The following MCF2L2 variants were observed in gnomAD, a reference collection of about 807,000 sequenced individuals.
MCF2L2 encodes probable guanine nucleotide exchange factor MCF2L2.
Under a neutral mutation model 150.2 loss-of-function variants are expected in MCF2L2, and 102 were observed. The ratio of observed to expected loss-of-function variants is 0.68; its 90% CI spans 0.58 to 0.80. The LOEUF (loss-of-function observed/expected upper bound fraction) is 0.80. Ranked by LOEUF, MCF2L2 falls within the 30% of genes least tolerant of loss-of-function variation. The probability of loss-of-function intolerance (pLI) is 0.00; values close to 1 mark genes in which losing one functional copy is unlikely to be tolerated. For synonymous variants in MCF2L2, 465 were observed against 491.3 expected, an observed-to-expected ratio of 0.95 and a Z score of 0.71; for missense variants, 1,256 against 1,372.8, an observed-to-expected ratio of 0.91 and a Z score of 1.34.
At chr3:183,353,623 C>T (rs1402130883) in intron 3 of MCF2L2, among the ~76,000 whole-genome samples, 1 of 152,038 alleles carries the variant, frequency 6.6e-6, no homozygotes, top group Non-Finnish European at 1.5e-5. Context: ...AGGTGCCACA[C>T]AATTTTAAAC....
intron 15 of MCF2L2, among the ~76,000 whole-genome samples, chr3:183,238,262 T>TA (rs973926112): frequency 8.8e-5 from 13 of 147,820 alleles, no homozygotes; most frequent in African/African-American, 3.1e-4. Flanking sequence ...TTTTTTTTTT[T>TA]AGCTCACCAG....
At chr3:183,211,800 A>G (rs1238704943) in intron 22 of MCF2L2, among the ~76,000 whole-genome samples, 6 of 152,160 alleles carry the variant, frequency 3.9e-5, no homozygotes, top group African/African-American at 1.4e-4. Flanking sequence ...AGGGGACAGG[A>G]AACAAAATAC....
At chr3:183,255,479 A>T (rs935846308) in intron 15 of MCF2L2, among the ~76,000 whole-genome samples, 5 of 152,150 alleles carry the variant, frequency 3.3e-5, no homozygotes, top group African/African-American at 9.7e-5. Flanking sequence ...CCTCCCGCAC[A>T]CGCTCTGAGC....
At chr3:183,391,035 T>A (rs966447174) in intron 1 of MCF2L2, among the ~76,000 whole-genome samples, 5 of 152,216 alleles carry the variant, frequency 3.3e-5, no homozygotes, top group African/African-American at 1.2e-4. Flanking sequence ...AATTTCCTAC[T>A]GATTCATTAT....
chr3:183,399,595 G>A (rs1332746575), intron 1 of MCF2L2, among the ~76,000 whole-genome samples: 2 of 152,156 alleles, frequency 1.3e-5, no homozygotes, highest in Non-Finnish European at 2.9e-5. Flanking sequence ...CCAGCCCATC[G>A]AAGGGAAGCG....
At chr3:183,341,737 C>G (rs1035952636) in intron 3 of MCF2L2, 107 bp from the exon 4 acceptor site, 17 of 740,274 alleles carry the variant, frequency 2.3e-5, no homozygotes, top group Middle Eastern at 2.3e-4. Context: ...CCAGGCTCAC[C>G]GTGTAAACAC....
chr3:183,240,339 C>T lies in MCF2L2; in HGVS notation c.1863-9322G>A, dbSNP rs115271698. ...CCACCTCTCAGGTTCAAATGGTTCT[C>T]GTGCCTCAGCCTCCCCAGTAGCTGG... On this transcript the variant is annotated intron_variant, in intron 15 of 29. Coordinates refer to ENST00000328913, the MANE Select transcript of MCF2L2 (RefSeq NM_015078.4). Among the ~76,000 whole-genome samples, 1,090 of 152,296 alleles carry T rather than the reference C, an allele frequency of 7.2e-3. 12 individuals carry two copies. The highest frequency in any genetic ancestry group is 0.025 in the African/African-American group (1,020 of 41,552).
At chr3:183,314,431 T>C (rs1293834959) in intron 7 of MCF2L2, among the ~76,000 whole-genome samples, 1 of 152,204 alleles carries the variant, frequency 6.6e-6, no homozygotes, top group Non-Finnish European at 1.5e-5. Context: ...TACTGGAAGA[T>C]TATTTTGAAC....
chr3:183,337,419 T>G (rs1730527684), intron 5 of MCF2L2, among the ~76,000 whole-genome samples: 1 of 151,912 alleles, frequency 6.6e-6, no homozygotes, highest in Non-Finnish European at 1.5e-5. Flanking sequence ...TAGCTGGGCG[T>G]GGTGGCAGGC....
Position 183,379,212 on chromosome 3 carries a change from GTA to G in MCF2L2, c.275+83_275+84del. 3 of 930,648 alleles carry G rather than the reference GTA, an allele frequency of 3.2e-6. No homozygotes were observed. In the South Asian group the frequency reaches 5.2e-5, roughly 16 times the overall value. 57.6% of individuals were successfully genotyped at this position (930,648 alleles called of 1,614,324 possible). ...ACCAGGGTACACCATGCTCATGGAA[GTA>G]TATGTCTCAACCCAGCCCTGCCACA... is the stretch of plus-strand genomic sequence containing the variant. On this transcript the variant is annotated intron_variant, in intron 3 of 29. Transcript: ENST00000328913.
At chr3:183,273,345 TA>T (rs1004753056) in intron 15 of MCF2L2, 9 of 235,884 alleles carry the variant, frequency 3.8e-5, no homozygotes, top group East Asian at 9.1e-5. Context: ...TTAGTGAGTT[TA>T]AAAAAAATCT....
chr3:183,360,725 T>C (rs1577090767), intron 3 of MCF2L2, among the ~76,000 whole-genome samples: 1 of 152,030 alleles, frequency 6.6e-6, no homozygotes, highest in East Asian at 1.9e-4. Flanking sequence ...ATCCCAGCAC[T>C]TTGGGAGGCT....
chr3:183,422,404 G>T (rs73186923), intron 1 of MCF2L2, among the ~76,000 whole-genome samples: 12,910 of 152,258 alleles, frequency 0.085, 574 homozygotes, highest in African/African-American at 0.095. Context: ...GCAGTAGACT[G>T]GTCTTGGCTT....
At chr3:183,202,659 G>C (rs1453297943) in intron 25 of MCF2L2, among the ~76,000 whole-genome samples, 1 of 152,204 alleles carries the variant, frequency 6.6e-6, no homozygotes, top group Non-Finnish European at 1.5e-5. Context: ...TTAGTATTTA[G>C]ATCACTAAGC....
chr3:183,355,364 AAC>A (rs1459214790), intron 3 of MCF2L2, among the ~76,000 whole-genome samples: 65 of 152,060 alleles, frequency 4.3e-4, no homozygotes, highest in African/African-American at 1.5e-3. Flanking sequence ...AGGCAACTCC[AAC>A]ACAGTCTTAC....
At chr3:183,256,835 A>ACCATGTTCTTTCCTGT (rs149507280) in intron 15 of MCF2L2, among the ~76,000 whole-genome samples, 27,191 of 152,106 alleles carry the variant, frequency 0.18, 6,080 homozygotes, top group African/African-American at 0.53. Flanking sequence ...GCTTGTGGGA[A>ACCATGTTCTTTCCTGT]CAAGAATAAC....
chr3:183,357,682 T>C (rs1711870348), intron 3 of MCF2L2, among the ~76,000 whole-genome samples: 1 of 152,100 alleles, frequency 6.6e-6, no homozygotes, highest in Non-Finnish European at 1.5e-5. Context: ...CTGACTCCCC[T>C]ATGCAAGCAC....
chr3:183,223,233 G>A (rs761807494), intron 20 of MCF2L2, 113 bp downstream of exon 20: 55 of 723,724 alleles, frequency 7.6e-5, no homozygotes, highest in Non-Finnish European at 1.1e-4. Flanking sequence ...CAGGATAGAC[G>A]TATCTTCAGC....
rs575811988 is a variant in MCF2L2 at position 183,255,929 on chromosome 3, G to A, written c.1862+20943C>T. ...ATGGGTCACTTTGGCTAGAATCATT[G>A]CACTTGGTGACTTTCACATTGTAAA... is the stretch of plus-strand genomic sequence containing the variant. On this transcript the variant is annotated intron_variant, in intron 15 of 29. Coordinates refer to ENST00000328913, the MANE Select transcript of MCF2L2 (RefSeq NM_015078.4). Among the ~76,000 whole-genome samples the A allele has an allele frequency of 9.2e-5, 14 of 152,154 alleles. No homozygotes were observed. The South Asian group carries it at 2.7e-3, about 29-fold the overall frequency.
Sources: allele counts gnomAD v4.1 joint callset (sites outside exome capture counted in the v4.1 genomes callset), GRCh38; gene constraint gnomAD v4.1.1; transcripts MANE v1.5; gene names NCBI Gene and HGNC (gene_info 2026-07-23, HGNC 2026-07-21).